BABAM2: variants seen among roughly 807,000 people sequenced by gnomAD.
BABAM2 encodes BRISC and BRCA1-A complex member 2.
A neutral mutation model predicts 54.7 loss-of-function variants in BABAM2; 31 were observed. The ratio of observed to expected loss-of-function variants is 0.57; its 90% confidence interval spans 0.43 to 0.77. The LOEUF (loss-of-function observed/expected upper bound fraction) is 0.77, where lower values mean the gene tolerates loss of function less well. BABAM2 is among the 30% of genes least tolerant of loss of function. BABAM2 has a pLI of 0.00. For synonymous variants in BABAM2, 167 were observed against 162.9 expected (o/e 1.03, Z -0.19); for missense variants, 364 against 455.8 (o/e 0.80, Z 1.83).
At chr2:27,967,441 A>T (rs1442825351) in intron 3 of BABAM2, among the ~76,000 whole-genome samples, 3 of 152,148 alleles carry the variant, frequency 2.0e-5, no homozygotes, top group Non-Finnish European at 2.9e-5. Context: ...GCCACATGTC[A>T]CTGTGAGTTC....
intron 3 of BABAM2, among the ~76,000 whole-genome samples, chr2:27,933,747 G>A (rs552021755): frequency 1.3e-5 from 2 of 149,196 alleles, no homozygotes; most frequent in South Asian, 4.3e-4. Context: ...ACAGGCGTGA[G>A]CCACTATGCC....
intron 10 of BABAM2, among the ~76,000 whole-genome samples, chr2:28,269,144 T>C (rs1303280751): frequency 6.6e-6 from 1 of 152,200 alleles, no homozygotes; most frequent in African/African-American, 2.4e-5. Context: ...ATCTCTTTTA[T>C]CTTAAAAGAC....
chr2:28,150,692 A>G (rs921428158), intron 7 of BABAM2, among the ~76,000 whole-genome samples: 1 of 152,160 alleles, frequency 6.6e-6, no homozygotes, highest in Non-Finnish European at 1.5e-5. Context: ...ACTAGGGAAG[A>G]GCGCCAGCCA....
chr2:28,150,431 T>C lies in BABAM2; in HGVS notation c.680+21051T>C, dbSNP rs552486116. Among the ~76,000 whole-genome samples the C allele has an allele frequency of 5.3e-5, 8 of 152,296 alleles. No individual in the cohort carries two copies. The East Asian group carries it at 1.5e-3, about 29-fold the overall frequency. On this transcript the variant is annotated intron_variant, in intron 7 of 11. Coordinates refer to ENST00000379624, the MANE Select transcript of BABAM2 (RefSeq NM_199191.3). ...AAAAGCTGGAGTACTGCCATCTCCT[T>C]TTCCTGACAACAGCCAGAAAAGAGA... is the stretch of plus-strand genomic sequence containing the variant.
chr2:27,900,824 A>C (rs530740812), intron 2 of BABAM2, among the ~76,000 whole-genome samples: 1 of 152,248 alleles, frequency 6.6e-6, no homozygotes, highest in South Asian at 2.1e-4. Flanking sequence ...CGGGCATATC[A>C]CAAGGTCAGG....
chr2:28,038,240 ATG>A (rs1450226429), intron 5 of BABAM2, among the ~76,000 whole-genome samples: 1 of 151,958 alleles, frequency 6.6e-6, no homozygotes, highest in Non-Finnish European at 1.5e-5. Context: ...TTATTTTTCC[ATG>A]TGGTCTTTTG....
At chr2:28,119,927 ATAGT>A (rs1668921626) in intron 6 of BABAM2, among the ~76,000 whole-genome samples, 1 of 152,208 alleles carries the variant, frequency 6.6e-6, no homozygotes, top group Non-Finnish European at 1.5e-5. Context: ...TTCACTGAAT[ATAGT>A]TAGTTAATCA....
chr2:28,279,124 T>C (rs749314471), intron 10 of BABAM2, among the ~76,000 whole-genome samples: 1 of 152,102 alleles, frequency 6.6e-6, no homozygotes, highest in Non-Finnish European at 1.5e-5. Flanking sequence ...GGAAGAGAGG[T>C]TGGAATTCCT....
rs35934509 is a variant in BABAM2, at chr2:28,306,704, AT to A, written c.1088+8223del. Among the ~76,000 whole-genome samples the A allele has an allele frequency of 5.5e-3, 805 of 147,298 alleles. 13 individuals are homozygous for A. Among genetic ancestry groups the A allele is most frequent in the South Asian group, 0.049 (229 of 4,664 alleles). ...ATTTCTTTTTTATTTTTTTATTTTA[AT>A]TTTTTTTTTGAGACAGAGTCTCACT... On this transcript the variant is annotated intron_variant, in intron 11 of 11. Transcript: ENST00000379624.
chr2:28,175,790 G>A (rs1318267169), intron 7 of BABAM2, among the ~76,000 whole-genome samples: 1 of 152,172 alleles, frequency 6.6e-6, no homozygotes, highest in Non-Finnish European at 1.5e-5. Context: ...TGGCCCACTT[G>A]GACTCACTAA....
chr2:28,197,005 A>G (rs1677655727), intron 7 of BABAM2, among the ~76,000 whole-genome samples: 1 of 151,358 alleles, frequency 6.6e-6, no homozygotes, highest in Admixed American at 6.6e-5. Flanking sequence ...CCACCCACCT[A>G]GTTAATTTTT....
At chr2:28,057,909 C>T (rs183368587) in intron 6 of BABAM2, among the ~76,000 whole-genome samples, 87 of 151,882 alleles carry the variant, frequency 5.7e-4, no homozygotes, top group Non-Finnish European at 4.1e-4. Flanking sequence ...TTTGGGAGGC[C>T]GAGGCGGGAG....
intron 3 of BABAM2, among the ~76,000 whole-genome samples, chr2:27,939,737 T>A (rs1461827076): frequency 1.3e-5 from 2 of 152,256 alleles, no homozygotes; most frequent in Non-Finnish European, 2.9e-5. Context: ...CTAAACTTAT[T>A]TTTCAAAATA....
chr2:28,249,340 A>T (rs751460321), intron 10 of BABAM2, among the ~76,000 whole-genome samples: 1 of 151,998 alleles, frequency 6.6e-6, no homozygotes, highest in African/African-American at 2.4e-5. Flanking sequence ...CTACCCGCCT[A>T]GGCCTCCCAA....
At chr2:27,953,885 G>T (rs1669915688) in intron 3 of BABAM2, among the ~76,000 whole-genome samples, 1 of 152,144 alleles carries the variant, frequency 6.6e-6, no homozygotes, top group African/African-American at 2.4e-5. Context: ...AATTTGTGAG[G>T]GGAATAAAGA....
intron 6 of BABAM2, among the ~76,000 whole-genome samples, chr2:28,123,400 G>A (rs1046230277): frequency 6.6e-6 from 1 of 152,168 alleles, no homozygotes; most frequent in African/African-American, 2.4e-5. Flanking sequence ...ATCAGATTCG[G>A]TATCTTTCCT....
intron 5 of BABAM2, among the ~76,000 whole-genome samples, chr2:28,033,800 G>T (rs1311749174): frequency 1.3e-5 from 2 of 148,508 alleles, no homozygotes; most frequent in African/African-American, 5.0e-5. Flanking sequence ...TGATTAAAGT[G>T]TTTTTTTTTT....
At chr2:28,306,394 A>G (rs1688523038) in intron 11 of BABAM2, among the ~76,000 whole-genome samples, 1 of 152,006 alleles carries the variant, frequency 6.6e-6, no homozygotes, top group African/African-American at 2.4e-5. Flanking sequence ...TTTATATCTT[A>G]AAGCTTTATT....
chr2:28,026,915 T>TAAA (rs1558667699), intron 5 of BABAM2, among the ~76,000 whole-genome samples: 1 of 44,808 alleles, frequency 2.2e-5, no homozygotes, highest in Non-Finnish European at 4.6e-5. Flanking sequence ...TAAATATATA[T>TAAA]TAATATATAT....
Sources: allele counts gnomAD v4.1 joint callset (sites outside exome capture counted in the v4.1 genomes callset), GRCh38; gene constraint gnomAD v4.1.1; transcripts MANE v1.5; gene names NCBI Gene and HGNC (gene_info 2026-07-23, HGNC 2026-07-21).